KCNJ6: variants seen among roughly 807,000 people sequenced by gnomAD.
KCNJ6 encodes G protein-activated inward rectifier potassium channel 2.
Under a neutral mutation model 34.2 loss-of-function variants are expected in KCNJ6, and 9 were observed. The observed-to-expected ratio is 0.26, with a 90% CI of 0.16 to 0.46. The LOEUF is 0.46. Among genes scored for constraint, KCNJ6 ranks in the 20% least tolerant of loss-of-function variants. The pLI is 1.00. For synonymous variants in KCNJ6, 196 were observed against 207.1 expected (o/e 0.95, Z 0.46); for missense variants, 236 against 531.3 (o/e 0.44, Z 5.46).
intron 2 of KCNJ6, among the ~76,000 whole-genome samples, chr21:37,769,695 T>C (rs2123502377): frequency 6.6e-6 from 1 of 152,196 alleles, no homozygotes; most frequent in East Asian, 1.9e-4. Context: ...ATGGTTTGAA[T>C]ATGTCCTCTC....
intron 3 of KCNJ6, among the ~76,000 whole-genome samples, chr21:37,641,202 T>G (rs2054379319): frequency 6.6e-6 from 1 of 152,238 alleles, no homozygotes; most frequent in Admixed American, 6.5e-5. Context: ...AGCTCTGTCT[T>G]GGCCACAATT....
rs555417347 is a variant in KCNJ6 at position 37,760,151 on chromosome 21, G to A, written c.26-45020C>T. Among the ~76,000 whole-genome samples the A allele has an allele frequency of 1.7e-4, 26 of 152,296 alleles. No individual in the cohort carries two copies. In the South Asian group the frequency reaches 4.8e-3, roughly 28 times the overall value. ...TGGAACCTACAAGAGAATAAGTCCT[G>A]GTCCCGACCTGCCCAGCCAAGCTGG... On this transcript the variant is annotated intron_variant, in intron 2 of 3. Coordinates refer to ENST00000609713, the MANE Select transcript of KCNJ6 (RefSeq NM_002240.5).
At chr21:37,802,411 C>A (rs1429271378) in intron 2 of KCNJ6, among the ~76,000 whole-genome samples, 2 of 151,376 alleles carry the variant, frequency 1.3e-5, no homozygotes, top group Non-Finnish European at 2.9e-5. Flanking sequence ...CTGGGTTATC[C>A]AGAGGGCCCA....
chr21:37,853,569 C>A (rs2055547888), intron 1 of KCNJ6, among the ~76,000 whole-genome samples: 1 of 151,858 alleles, frequency 6.6e-6, no homozygotes, highest in Non-Finnish European at 1.5e-5. Flanking sequence ...ATAAAAGAAG[C>A]AATCTTGACA....
At chr21:37,771,612 C>T (rs1176488440) in intron 2 of KCNJ6, among the ~76,000 whole-genome samples, 2 of 152,146 alleles carry the variant, frequency 1.3e-5, no homozygotes, top group Non-Finnish European at 2.9e-5. Context: ...TCCACCAGAG[C>T]CCCTGTAGGT....
rs370220569 is a variant in KCNJ6 at position 37,903,923 on chromosome 21, G to A, written c.-28+11961C>T. On this transcript the variant is annotated intron_variant, in intron 1 of 3. Transcript: ENST00000609713. ...TCCTGACACCTATTTTGTAATAAAA[G>A]GACAATTTACTTTATATTGGTAGAG... is the stretch of plus-strand genomic sequence containing the variant. Among the ~76,000 whole-genome samples, 130 of 152,234 alleles carry A rather than the reference G, an allele frequency of 8.5e-4. 1 individual carries two copies. The highest frequency in any genetic ancestry group is 3.1e-3 in the African/African-American group (128 of 41,526).
intron 1 of KCNJ6, among the ~76,000 whole-genome samples, chr21:37,854,472 C>T (rs11702092): frequency 0.45 from 68,574 of 151,930 alleles, 15,789 homozygotes; most frequent in South Asian, 0.63. Context: ...ATGAGTAGAA[C>T]GGTAACCAGA....
intron 2 of KCNJ6, among the ~76,000 whole-genome samples, chr21:37,768,991 A>T (rs1322793183): frequency 6.6e-6 from 1 of 152,226 alleles, no homozygotes; most frequent in African/African-American, 2.4e-5. Flanking sequence ...AACTTTGATG[A>T]ATCAGCCTGA....
At chr21:37,650,057 C>T (rs1349656964) in intron 3 of KCNJ6, among the ~76,000 whole-genome samples, 2 of 152,194 alleles carry the variant, frequency 1.3e-5, no homozygotes, top group South Asian at 2.1e-4. Context: ...ACCACCGCGC[C>T]TGGCCTAATT....
intron 2 of KCNJ6, among the ~76,000 whole-genome samples, chr21:37,720,681 TG>T (rs2054820496): frequency 6.7e-6 from 1 of 149,194 alleles, no homozygotes; most frequent in Admixed American, 6.8e-5. Context: ...ACCCACAGAA[TG>T]GGAGAAAACA....
chr21:37,636,434 A>T (rs546595504), intron 3 of KCNJ6, among the ~76,000 whole-genome samples: 1 of 152,194 alleles, frequency 6.6e-6, no homozygotes, highest in African/African-American at 2.4e-5. Context: ...AGCTTTTAAC[A>T]ATTATTTCAT....
intron 1 of KCNJ6, among the ~76,000 whole-genome samples, chr21:37,849,164 CCT>C (rs1483615290): frequency 1.3e-5 from 2 of 152,204 alleles, no homozygotes; most frequent in African/African-American, 4.8e-5. Flanking sequence ...CAGTCTTTTC[CCT>C]GTCAGGTACC....
chr21:37,724,128 A>G lies in KCNJ6; in HGVS notation c.26-8997T>C, dbSNP rs117543865. ...CCCTGAAGTCCTCTGTGCTAGACTAAGGAGATTGTTTTTAAACTGGGGAGT... is the reference window on the plus strand; with the variant it reads ...CCCTGAAGTCCTCTGTGCTAGACTAGGGAGATTGTTTTTAAACTGGGGAGT... On this transcript the variant is annotated intron_variant, in intron 2 of 3. Transcript: ENST00000609713. Among the ~76,000 whole-genome samples, 758 of 152,210 alleles carry G rather than the reference A, an allele frequency of 5.0e-3. 41 individuals carry two copies. The East Asian group carries it at 0.11, about 23-fold the overall frequency.
chr21:37,649,966 T>C (rs2054425395), intron 3 of KCNJ6, among the ~76,000 whole-genome samples: 1 of 151,304 alleles, frequency 6.6e-6, no homozygotes, highest in Non-Finnish European at 1.5e-5. Context: ...GGCTTCACCA[T>C]GTTAGCCAGG....
chr21:37,898,587 GAA>G (rs112946268), intron 1 of KCNJ6, among the ~76,000 whole-genome samples: 4 of 89,070 alleles, frequency 4.5e-5, no homozygotes, highest in African/African-American at 7.8e-5. Context: ...CATCTCAAAA[GAA>G]AAAAAAAAAA....
chr21:37,876,574 G>A lies in KCNJ6; in HGVS notation c.-27-35865C>T, dbSNP rs1419878046. ...AATGATATCAGTGCATATATGTTCT[G>A]TCCTTTTTTCAAAGTATATTTTATA... On this transcript the variant is annotated intron_variant, in intron 1 of 3. Transcript: ENST00000609713. Among the ~76,000 whole-genome samples the A allele has an allele frequency of 2.6e-5, 4 of 151,666 alleles. No homozygotes were observed. In the East Asian group the frequency reaches 7.7e-4, roughly 29 times the overall value.
At chr21:37,804,326 C>T (rs1161193851) in intron 2 of KCNJ6, among the ~76,000 whole-genome samples, 1 of 152,216 alleles carries the variant, frequency 6.6e-6, no homozygotes, top group Non-Finnish European at 1.5e-5. Context: ...AGCAGTTCCA[C>T]TCCTAGGTGC....
At chr21:37,855,188 T>C (rs2055558590) in intron 1 of KCNJ6, among the ~76,000 whole-genome samples, 1 of 152,254 alleles carries the variant, frequency 6.6e-6, no homozygotes, top group South Asian at 2.1e-4. Context: ...GTTTCTTTTC[T>C]TCTTTTTCTC....
At chr21:37,857,310 C>T (rs965590965) in intron 1 of KCNJ6, among the ~76,000 whole-genome samples, 3 of 152,180 alleles carry the variant, frequency 2.0e-5, no homozygotes, top group African/African-American at 7.2e-5. Context: ...AAATCTATGG[C>T]AGAGCTGGCT....
Sources: allele counts gnomAD v4.1 joint callset (sites outside exome capture counted in the v4.1 genomes callset), GRCh38; gene constraint gnomAD v4.1.1; transcripts MANE v1.5; gene names NCBI Gene and HGNC (gene_info 2026-07-23, HGNC 2026-07-21).